The following UVRAG variants were observed in gnomAD, a reference collection of about 807,000 sequenced individuals.
The protein encoded by UVRAG is UV radiation resistance-associated gene protein.
A neutral mutation model predicts 78.0 loss-of-function variants in UVRAG; 19 were observed. That is an observed-to-expected ratio of 0.24 (90% CI 0.17 to 0.36). UVRAG has a LOEUF of 0.36. Among genes scored for constraint, UVRAG ranks in the 10% least tolerant of loss-of-function variants. UVRAG has a pLI of 1.00. For synonymous variants in UVRAG, 323 were observed against 324.6 expected (o/e 1.00, Z 0.05); for missense variants, 740 against 853.8 (o/e 0.87, Z 1.66).
chr11:75,899,611 A>G (rs1367136651), intron 5 of UVRAG, among the ~76,000 whole-genome samples: 1 of 152,160 alleles, frequency 6.6e-6, no homozygotes, highest in African/African-American at 2.4e-5. Context: ...CTTAACCGCT[A>G]TGCTGTATGA....
chr11:76,002,892 A>G (rs1173966010), intron 8 of UVRAG, among the ~76,000 whole-genome samples: 1 of 152,134 alleles, frequency 6.6e-6, no homozygotes, highest in East Asian at 1.9e-4. Context: ...CCTGGACAAC[A>G]TGGTGAAACC....
intron 1 of UVRAG, among the ~76,000 whole-genome samples, chr11:75,850,492 A>G (rs1464236055): frequency 6.6e-6 from 1 of 152,152 alleles, no homozygotes; most frequent in Non-Finnish European, 1.5e-5. Context: ...GGAAGTAAGG[A>G]TGGTATATAG....
At chr11:76,125,462 C>G (rs1952367362) in intron 14 of UVRAG, among the ~76,000 whole-genome samples, 1 of 152,128 alleles carries the variant, frequency 6.6e-6, no homozygotes, top group Non-Finnish European at 1.5e-5. Context: ...TTTAAACACC[C>G]TCACTTCAGG....
At chr11:76,126,670 A>C (rs1300708649) in intron 14 of UVRAG, among the ~76,000 whole-genome samples, 1 of 152,230 alleles carries the variant, frequency 6.6e-6, no homozygotes, top group Non-Finnish European at 1.5e-5. Context: ...CACATTGCCA[A>C]AAAACATCAC....
At chr11:76,114,290 G>T (rs1952135321) in intron 13 of UVRAG, among the ~76,000 whole-genome samples, 1 of 152,064 alleles carries the variant, frequency 6.6e-6, no homozygotes, top group Non-Finnish European at 1.5e-5. Context: ...ATAATTCAAG[G>T]TCTGCAAATC....
At chr11:75,846,911 CCTCCCTTGT>C (rs1488207290) in intron 1 of UVRAG, among the ~76,000 whole-genome samples, 1 of 152,120 alleles carries the variant, frequency 6.6e-6, no homozygotes, top group African/African-American at 2.4e-5. Context: ...GCAACCTCTG[CCTCCCTTGT>C]TCAGGCGATT....
chr11:75,913,693 C>T (rs895417597), intron 6 of UVRAG, among the ~76,000 whole-genome samples: 10 of 152,146 alleles, frequency 6.6e-5, no homozygotes, highest in African/African-American at 2.4e-4. Flanking sequence ...AAGAGCCAGA[C>T]TGGAGGATGC....
intron 12 of UVRAG, among the ~76,000 whole-genome samples, chr11:76,036,768 A>G (rs1317910234): frequency 6.6e-6 from 1 of 152,042 alleles, no homozygotes; most frequent in Admixed American, 6.5e-5. Context: ...TAAGAACAAA[A>G]AAAGGAGACA....
At chr11:75,822,282 C>T (rs938435534) in intron 1 of UVRAG, among the ~76,000 whole-genome samples, 2 of 152,166 alleles carry the variant, frequency 1.3e-5, no homozygotes, top group Admixed American at 6.6e-5. Flanking sequence ...TCATCACCAG[C>T]TGTGGTAGCA....
intron 6 of UVRAG, among the ~76,000 whole-genome samples, chr11:75,954,950 A>C (rs1158701840): frequency 6.6e-6 from 1 of 152,232 alleles, no homozygotes; most frequent in African/African-American, 2.4e-5. Context: ...TTATCTGTTA[A>C]GGGATGGGAA....
intron 7 of UVRAG, among the ~76,000 whole-genome samples, chr11:75,976,728 TG>T (rs1205603285): frequency 6.6e-6 from 1 of 152,196 alleles, no homozygotes; most frequent in African/African-American, 2.4e-5. Context: ...CTTTATCATT[TG>T]TTATTGCGTC....
chr11:75,931,627 CCA>C (rs1948243032), intron 6 of UVRAG, among the ~76,000 whole-genome samples: 1 of 152,176 alleles, frequency 6.6e-6, no homozygotes, highest in Non-Finnish European at 1.5e-5. Context: ...TTAGTAATAA[CCA>C]CCTTTCACAC....
chr11:75,917,511 T>C (rs1243114297), intron 6 of UVRAG, among the ~76,000 whole-genome samples: 2 of 152,240 alleles, frequency 1.3e-5, no homozygotes, highest in Non-Finnish European at 2.9e-5. Flanking sequence ...CTTGTGTTAC[T>C]AAAGCTACAA....
chr11:76,031,540 G>A (rs139684656), intron 12 of UVRAG, among the ~76,000 whole-genome samples: 13 of 152,270 alleles, frequency 8.5e-5, no homozygotes, highest in Non-Finnish European at 1.5e-4. Flanking sequence ...GTCTTCTCTA[G>A]TATTACTGTC....
intron 12 of UVRAG, among the ~76,000 whole-genome samples, chr11:76,057,685 A>G (rs1478628195): frequency 2.0e-5 from 3 of 151,522 alleles, no homozygotes; most frequent in African/African-American, 7.3e-5. Context: ...CTTCAGTGAC[A>G]CTATACAATG....
chr11:76,055,750 C>G (rs192291804), intron 12 of UVRAG, among the ~76,000 whole-genome samples: 1 of 152,156 alleles, frequency 6.6e-6, no homozygotes, highest in Admixed American at 6.5e-5. Context: ...CACTCTGTCA[C>G]CCAGGCTGGA....
chr11:76,025,817 T>C (rs2135389299), intron 12 of UVRAG, among the ~76,000 whole-genome samples: 1 of 152,260 alleles, frequency 6.6e-6, no homozygotes. Context: ...GTCTAACACC[T>C]TTTTTGTGAC....
intron 13 of UVRAG, among the ~76,000 whole-genome samples, chr11:76,105,749 A>G (rs1246410452): frequency 6.6e-6 from 1 of 152,188 alleles, no homozygotes; most frequent in Non-Finnish European, 1.5e-5. Flanking sequence ...CCCTGTCTCA[A>G]AAACAAAAAA....
At chr11:75,921,982 G>C (rs918299342) in intron 6 of UVRAG, among the ~76,000 whole-genome samples, 1 of 151,952 alleles carries the variant, frequency 6.6e-6, no homozygotes, top group South Asian at 2.1e-4. Flanking sequence ...AGTAAGGCAC[G>C]TCCTGTTGCT....
Sources: gnomAD v4.1 joint callset for allele counts (sites outside exome capture counted in the v4.1 genomes callset) on GRCh38, gnomAD v4.1.1 for gene constraint, MANE v1.5 for transcripts, NCBI Gene and HGNC (gene_info 2026-07-23, HGNC 2026-07-21) for gene names.